PCDHA6: variants seen among roughly 807,000 people sequenced by gnomAD.
PCDHA6 encodes the protein protocadherin alpha-6.
In PCDHA6, 55 loss-of-function variants were observed where a neutral mutation model predicts 60.3. The observed-to-expected ratio is 0.91, with a 90% confidence interval of 0.73 to 1.14. The LOEUF is 1.14. PCDHA6 is among the 50% of genes most tolerant of loss of function. The pLI is 0.00. For synonymous variants in PCDHA6, 652 were observed against 557.9 expected, an observed-to-expected ratio of 1.17 and a Z score of -2.38; for missense variants, 1,327 against 1,256.5, an observed-to-expected ratio of 1.06 and a Z score of -0.85.
At chr5:140,884,907 C>T (rs1263861482) in intron 1 of PCDHA6, among the ~76,000 whole-genome samples, 2 of 152,148 alleles carry the variant, frequency 1.3e-5, no homozygotes, top group Non-Finnish European at 2.9e-5. Flanking sequence ...CTGTTGTATT[C>T]TTAATAGTTC....
At chr5:140,863,510 T>G (rs782817870) in intron 1 of PCDHA6, 4 of 411,506 alleles carry the variant, frequency 9.7e-6, no homozygotes, top group Admixed American at 3.0e-5. Context: ...TTAGTCCTAG[T>G]GTTCTCCCAT....
At chr5:140,999,240 G>A (rs193018375) in intron 3 of PCDHA6, among the ~76,000 whole-genome samples, 1 of 152,340 alleles carries the variant, frequency 6.6e-6, no homozygotes, top group Non-Finnish European at 1.5e-5. Context: ...GGTGGTTAAA[G>A]TGGGAGTTGG....
rs373021109 is a variant in PCDHA6, at chr5:140,830,355, G to A, written c.2264G>A (p.Arg755Gln). The stretch of plus-strand genomic sequence containing the variant: ...AGCTGGTCGTACTCGCAGCAGAGGC[G>A]GCAGAGGGTGTGCTCCGGGGAGGGC... ...VGSWSYSQQRRQRVCSGEGPP... is the reference protein window; with the variant it reads ...VGSWSYSQQRQQRVCSGEGPP... Residue 755 changes from arginine to glutamine, a missense_variant, in exon 1 of 4, where the codon CGG becomes CAG. Arg to Gln is a conservative substitution (Grantham distance 43, BLOSUM62 1). Coordinates refer to ENST00000529310, the MANE Select transcript of PCDHA6 (RefSeq NM_018909.4). The A allele has an allele frequency of 1.2e-6, 2 of 1,614,120 alleles. No individual in the cohort carries two copies. The highest frequency in any genetic ancestry group is 1.7e-5 in the Admixed American group (1 of 60,024).
In PCDHA6 at chr5:140,870,563, C is replaced by G. The variant is rs1333019449; in HGVS notation, c.2394+40078C>G. The G allele has an allele frequency of 6.2e-6, 10 of 1,613,994 alleles. No individual in the cohort carries two copies. Among genetic ancestry groups the G allele is most frequent in the Non-Finnish European group, 8.5e-6 (10 of 1,179,984 alleles). ...CGGGACGCGGACGCGCAGGAGAACG[C>G]GCTGGTGTCCTACTCGCTGGTGGAG... On this transcript the variant is annotated intron_variant, in intron 1 of 3. Transcript: ENST00000529310.
rs200187130 is a variant in PCDHA6 at position 140,828,776 on chromosome 5, C to A, written c.685C>A (p.Leu229Met). 3 of 1,614,060 alleles carry A rather than the reference C, an allele frequency of 1.9e-6. No individual in the cohort carries two copies. The highest frequency in any genetic ancestry group is 2.5e-6 in the Non-Finnish European group (3 of 1,179,988). The change falls in exon 1 of 4, where the codon CTG becomes ATG. Residue 229 changes from leucine to methionine, a missense_variant. Leu to Met is a conservative substitution (Grantham distance 15). Coordinates refer to ENST00000529310, the MANE Select transcript of PCDHA6 (RefSeq NM_018909.4). Reference sequence around the variant, plus strand: ...TGAGCTCACAGGCACTGTTCAGCTGCTGGTCACAGTGCTGGATGTGAATGA... The same window carrying A: ...TGAGCTCACAGGCACTGTTCAGCTGATGGTCACAGTGCTGGATGTGAATGA... The part of the protein sequence containing the change: ...KPELTGTVQL[L>M]VTVLDVNDNA...
rs2150182871 is a variant in PCDHA6 at position 140,830,216 on chromosome 5, A to G, written c.2125A>G (p.Ser709Gly). ...YLIIAICAVS[S>G]LLVLTLLLYT... ...GATCATCGCCATCTGCGCGGTATCC[A>G]GCCTGCTGGTCCTCACGCTACTGCT... is the stretch of plus-strand genomic sequence containing the variant. The change falls in exon 1 of 4, where the codon AGC becomes GGC. Residue 709 changes from serine (S) to glycine (G), a missense_variant. Transcript: ENST00000529310. 72 of 1,613,860 alleles carry G rather than the reference A, an allele frequency of 4.5e-5. No homozygotes were observed. The South Asian group carries it at 7.4e-4, about 16-fold the overall frequency.
intron 1 of PCDHA6, chr5:140,863,570 G>A (rs912173891): frequency 1.9e-5 from 7 of 370,768 alleles, no homozygotes; most frequent in South Asian, 4.2e-5. Flanking sequence ...GAGAATATAA[G>A]TACTGTAATC....
At chr5:140,918,573 C>CT (rs1392285106) in intron 1 of PCDHA6, among the ~76,000 whole-genome samples, 1 of 152,154 alleles carries the variant, frequency 6.6e-6, no homozygotes, top group Non-Finnish European at 1.5e-5. Context: ...TATTATGCTG[C>CT]TATTGGCTAT....
chr5:140,885,430 A>T (rs1216159578), intron 1 of PCDHA6, among the ~76,000 whole-genome samples: 2 of 152,132 alleles, frequency 1.3e-5, no homozygotes, highest in African/African-American at 4.8e-5. Context: ...CCACAGTGTA[A>T]GTGTGCAATT....
chr5:140,968,635 T>C, intron 1 of PCDHA6: 1 of 1,614,190 alleles, frequency 6.2e-7, no homozygotes, highest in East Asian at 2.2e-5. Context: ...TTTTTTACCA[T>C]CTAGCCCAGA....
chr5:140,856,960 T>C, intron 1 of PCDHA6: 2 of 1,593,258 alleles, frequency 1.3e-6, no homozygotes, highest in Non-Finnish European at 8.6e-7. Flanking sequence ...TAAAAGTAAA[T>C]GATGCTATTG....
rs150962684 is a variant in PCDHA6 at position 140,829,379 on chromosome 5, G to A, written c.1288G>A (p.Gly430Arg). The A allele has an allele frequency of 1.9e-4, 311 of 1,614,184 alleles. 1 individual carries two copies. The African/African-American group carries it at 3.5e-3, about 18-fold the overall frequency. ...AYELVVTARD[G>R]GSPSLWATAS... The stretch of plus-strand genomic sequence containing the variant: ...TGAGTTGGTGGTAACCGCGCGGGAC[G>A]GGGGCTCGCCTTCGCTGTGGGCCAC... The change falls in exon 1 of 4, where the codon GGG (glycine) becomes AGG (arginine). Residue 430 changes from glycine to arginine, a missense_variant. Coordinates refer to ENST00000529310, the MANE Select transcript of PCDHA6 (RefSeq NM_018909.4).
rs377029109 is a variant in PCDHA6, at chr5:141,002,346, C to G, written c.2543-7281C>G. On this transcript the variant is annotated intron_variant, in intron 3 of 3. Coordinates refer to ENST00000529310, the MANE Select transcript of PCDHA6 (RefSeq NM_018909.4). Reference sequence around the variant, plus strand: ...CGGGCTGCATCCGCACCCCTTCCCCCACCTCCACTCCTTTCAACTCATTCT... The same window carrying G: ...CGGGCTGCATCCGCACCCCTTCCCCGACCTCCACTCCTTTCAACTCATTCT... Among the ~76,000 whole-genome samples, 17 of 152,370 alleles carry G rather than the reference C, an allele frequency of 1.1e-4. No homozygotes were observed. The East Asian group carries it at 2.7e-3, about 24-fold the overall frequency.
intron 1 of PCDHA6, among the ~76,000 whole-genome samples, chr5:140,924,207 T>C (rs2081717308): frequency 6.6e-6 from 1 of 152,198 alleles, no homozygotes. Flanking sequence ...AGAAATTTGG[T>C]GAAGAATAAG....
chr5:140,871,925 T>C (rs1554165953), intron 1 of PCDHA6, among the ~76,000 whole-genome samples: 1 of 152,244 alleles, frequency 6.6e-6, no homozygotes, highest in African/African-American at 2.4e-5. Flanking sequence ...TTCCACATTG[T>C]TAGATCAACT....
At chr5:140,869,790 A>G (rs782009264) in intron 1 of PCDHA6, 4 of 1,612,954 alleles carry the variant, frequency 2.5e-6, no homozygotes, top group African/African-American at 1.3e-5. Context: ...TTCGGCTGTT[A>G]GTCCAAGTCT....
At chr5:140,873,693 C>T (rs1554166841) in intron 1 of PCDHA6, among the ~76,000 whole-genome samples, 1 of 152,156 alleles carries the variant, frequency 6.6e-6, no homozygotes, top group Non-Finnish European at 1.5e-5. Context: ...TAGAGTCTTG[C>T]TCTATCACCC....
chr5:140,852,789 C>T, intron 1 of PCDHA6: 1 of 977,530 alleles, frequency 1.0e-6, no homozygotes, highest in Non-Finnish European at 1.2e-6. Context: ...TAGAGGGATG[C>T]TACAGATGTC....
chr5:140,867,041 C>G (rs188716908), intron 1 of PCDHA6: 1 of 152,078 alleles, frequency 6.6e-6, no homozygotes, highest in East Asian at 1.9e-4. Flanking sequence ...TATGACTTGG[C>G]GTTTGTTCAG....
Sources: gnomAD v4.1 joint callset for allele counts (sites outside exome capture counted in the v4.1 genomes callset) on GRCh38, gnomAD v4.1.1 for gene constraint, MANE v1.5 for transcripts, NCBI Gene and HGNC (gene_info 2026-07-23, HGNC 2026-07-21) for gene names.